CSAD: variants seen among roughly 807,000 people sequenced by gnomAD.
The protein encoded by CSAD is P-selectin cytoplasmic tail-associated protein.
CSAD carries 47 observed loss-of-function variants against 61.5 expected under a neutral mutation model. That is an observed-to-expected ratio of 0.76 (90% CI 0.60 to 0.97). The LOEUF (loss-of-function observed/expected upper bound fraction) is 0.97, where lower values mean the gene tolerates loss of function less well. Ranked by LOEUF, CSAD falls within the 50% of genes least tolerant of loss-of-function variation. The pLI, the probability that CSAD is intolerant of heterozygous loss-of-function variation, is 0.00. For missense variants in CSAD, 611 were observed against 643.6 expected, an observed-to-expected ratio of 0.95 and a Z score of 0.55; for synonymous variants, 245 against 252.7, an observed-to-expected ratio of 0.97 and a Z score of 0.29.
rs1405183996 is a variant in CSAD, at chr12:53,171,359, T to C, written c.534A>G (p.Thr178=). 1 of 1,613,860 alleles carries C rather than the reference T, an allele frequency of 6.2e-7. No homozygotes were observed. Among genetic ancestry groups the C allele is most frequent in the Non-Finnish European group, 8.5e-7 (1 of 1,179,958 alleles). Residue 178 remains threonine, a synonymous_variant, in exon 8 of 17, where the codon ACA becomes ACG. Transcript: ENST00000444623. ...ATGTGAATAGGGCCAGGGGCGGCAG[T>C]GTGCGGAGGCCCCTCTGCTTGCAAT... The part of the protein sequence containing the change: ...YPDCKQRGLR[T]LPPLALFTSK...
chr12:53,172,683 A>C, intron 4 of CSAD, 35 bp from the exon 5 acceptor site: 1 of 1,587,320 alleles, frequency 6.3e-7, no homozygotes. Context: ...GGGGCCTGGG[A>C]TGCCTGTGGA....
chr12:53,173,253 AAG>A lies in CSAD; in HGVS notation c.126+90_126+91del, dbSNP rs1491458827. ...AAAAGGAAGGAAGAAAGAAGGAAGG[AAG>A]GGGGGGGGAGAAAGAAAAGAAAGGA... On this transcript the variant is annotated intron_variant, in intron 4 of 16. Coordinates refer to ENST00000444623, the MANE Select transcript of CSAD (RefSeq NM_001244705.2). 238 of 1,123,896 alleles carry A rather than the reference AAG, an allele frequency of 2.1e-4. No individual in the cohort carries two copies. In the African/African-American group the frequency reaches 3.7e-3, roughly 17 times the overall value. The allele number at this position is 1,123,896 out of a possible 1,614,324, so 69.6% of individuals were successfully genotyped here.
intron 8 of CSAD, 81 bp from the exon 9 acceptor site, chr12:53,170,583 C>G: frequency 9.6e-7 from 1 of 1,038,846 alleles, no homozygotes; most frequent in South Asian, 1.3e-5. Flanking sequence ...TGAGCTCCAA[C>G]AAATGGGATC....
At position 53,180,819 on chromosome 12, in the gene CSAD, G is replaced by T. The variant is rs1026547068; in HGVS notation, c.-178C>A. On this transcript the variant is annotated 5_prime_UTR_variant, in exon 1 of 17. Transcript: ENST00000444623. ...GGCGCCGCGCGGCCAGGGAGCCAGCGGGAGGCCGCGCCTGGCAGGTAGGAG... is the reference window on the plus strand; with the variant it reads ...GGCGCCGCGCGGCCAGGGAGCCAGCTGGAGGCCGCGCCTGGCAGGTAGGAG... 2 of 1,271,960 alleles carry T rather than the reference G, an allele frequency of 1.6e-6. No homozygotes were observed. The highest frequency in any genetic ancestry group is 2.4e-5 in the Admixed American group (1 of 42,140). 78.8% of individuals were successfully genotyped at this position (1,271,960 alleles called of 1,614,324 possible).
chr12:53,168,650 G>A (rs1462461220), intron 10 of CSAD, among the ~76,000 whole-genome samples: 3 of 152,064 alleles, frequency 2.0e-5, no homozygotes, highest in Non-Finnish European at 4.4e-5. Context: ...TGGCTACCCA[G>A]TACTCTAATA....
chr12:53,173,637 A>G, intron 3 of CSAD, 91 bp downstream of exon 3: 2 of 1,455,378 alleles, frequency 1.4e-6, no homozygotes, highest in Non-Finnish European at 1.9e-6. Flanking sequence ...CAGGGAGAAA[A>G]CCAGTGGGAA....
chr12:53,162,058 A>G lies in CSAD; in HGVS notation c.703-669T>C, dbSNP rs574988317. On this transcript the variant is annotated intron_variant, in intron 10 of 16. Coordinates refer to ENST00000444623, the MANE Select transcript of CSAD (RefSeq NM_001244705.2). ...GTGGATCACTTGAGGCCAGGAGTTC[A>G]AGACCAGCCTGGCCAACATGGCAAA... 2.6e-5 allele frequency among the ~76,000 whole-genome samples: 4 copies of G among 152,022 alleles called. No homozygotes were observed. In the East Asian group the frequency reaches 7.8e-4, roughly 29 times the overall value.
chr12:53,177,084 G>C (rs952509411), intron 2 of CSAD, among the ~76,000 whole-genome samples: 1 of 152,034 alleles, frequency 6.6e-6, no homozygotes, highest in African/African-American at 2.4e-5. Context: ...GTATTTTAGT[G>C]TTGGTTATAT....
rs771256267 is a variant in CSAD at position 53,171,386 on chromosome 12, C to T, written c.507G>A (p.Pro169=). 23 of 1,613,856 alleles carry T rather than the reference C, an allele frequency of 1.4e-5. No individual in the cohort carries two copies. The highest frequency in any genetic ancestry group is 3.3e-5 in the Admixed American group (2 of 59,996). The part of the protein sequence containing the change: ...AVNLARYQRY[P]DCKQRGLRTL... Reference sequence around the variant, plus strand: ...TGCGGAGGCCCCTCTGCTTGCAATCCGGGTAGCGCTGATAGCGGGCCAGAT... The same window carrying T: ...TGCGGAGGCCCCTCTGCTTGCAATCTGGGTAGCGCTGATAGCGGGCCAGAT... The change falls in exon 8 of 17, where the codon CCG becomes CCA. Residue 169 remains proline, a synonymous_variant. Transcript: ENST00000444623.
chr12:53,167,463 C>A (rs980065829), intron 10 of CSAD, among the ~76,000 whole-genome samples: 2 of 152,194 alleles, frequency 1.3e-5, no homozygotes, highest in Non-Finnish European at 2.9e-5. Flanking sequence ...TCAAAGAGCA[C>A]AATGTACCTC....
intron 1 of CSAD, chr12:53,180,516 G>A (rs1941503221): frequency 1.6e-6 from 2 of 1,269,300 alleles, no homozygotes; most frequent in African/African-American, 1.6e-5. Flanking sequence ...GCACGCGCCG[G>A]CCTCAGCGCT....
intron 8 of CSAD, 133 bp from the exon 9 acceptor site, chr12:53,170,635 C>T (rs977111220): frequency 1.8e-5 from 13 of 702,990 alleles, no homozygotes; most frequent in Non-Finnish European, 3.1e-5. Flanking sequence ...GCATACGAAT[C>T]GCCTGGGTGT....
chr12:53,181,037 C>T (rs1381488729), upstream of CSAD: 2 of 884,196 alleles, frequency 2.3e-6, no homozygotes, highest in Non-Finnish European at 2.8e-6. Flanking sequence ...CGCCGCGTCC[C>T]CGGCCCGGGA....
rs761708990 is a variant in CSAD, at chr12:53,158,609, C to G, written c.1384G>C (p.Gly462Arg). 1.2e-6 allele frequency: 2 copies of G among 1,614,148 alleles called. No individual in the cohort carries two copies. Among genetic ancestry groups the G allele is most frequent in the African/African-American group, 1.3e-5 (1 of 75,054 alleles). Residue 462 changes from glycine (G) to arginine (R), a missense_variant, in exon 17 of 17, where the codon GGC becomes CGC. Coordinates refer to ENST00000444623, the MANE Select transcript of CSAD (RefSeq NM_001244705.2). ...GCCACAACCACACGGAAGAAGTTGCCCCGGGTCCCGTGGGGCTGGTAGCCA... is the reference window on the plus strand; with the variant it reads ...GCCACAACCACACGGAAGAAGTTGCGCCGGGTCCCGTGGGGCTGGTAGCCA... ...MIGYQPHGTR[G>R]NFFRVVVANS...
chr12:53,162,898 C>T (rs1419042429), intron 10 of CSAD, among the ~76,000 whole-genome samples: 1 of 151,664 alleles, frequency 6.6e-6, no homozygotes, highest in Admixed American at 6.6e-5. Flanking sequence ...CCTGTCTCTA[C>T]TAAAAATACA....
chr12:53,172,601 C>T lies in CSAD; in HGVS notation c.174G>A (p.Leu58=). 1 of 1,611,454 alleles carries T rather than the reference C, an allele frequency of 6.2e-7. No individual in the cohort carries two copies. The highest frequency in any genetic ancestry group is 8.5e-7 in the Non-Finnish European group (1 of 1,179,156). Residue 58 remains leucine (L), a synonymous_variant, in exon 5 of 17, where the codon TTG becomes TTA. Coordinates refer to ENST00000444623, the MANE Select transcript of CSAD (RefSeq NM_001244705.2). ...GTGACTCGCCCTGGCTCCGCAGCTCCAAATCCAGCAGCTGCTTCAGCTCCT... is the reference window on the plus strand; with the variant it reads ...GTGACTCGCCCTGGCTCCGCAGCTCTAAATCCAGCAGCTGCTTCAGCTCCT... ...EPEELKQLLD[L]ELRSQGESQK...
In CSAD at chr12:53,180,734, C is replaced by A; in HGVS notation, c.-93G>T. On this transcript the variant is annotated splice_region_variant and 5_prime_UTR_variant, in exon 1 of 17. Coordinates refer to ENST00000444623, the MANE Select transcript of CSAD (RefSeq NM_001244705.2). ...GGGGTTGGTGTTTGTAAACTTGCCT[C>A]GGTCCCGGTGGGGGCAGCCGCGGCG... 7.9e-7 allele frequency: 1 copy of A among 1,263,860 alleles called. No homozygotes were observed. Among genetic ancestry groups the A allele is most frequent in the Non-Finnish European group, 1.0e-6 (1 of 976,122 alleles). 78.3% of individuals were successfully genotyped at this position (1,263,860 alleles called of 1,614,324 possible). A position where few individuals can be genotyped will look rare whatever the true frequency, so the allele number is the denominator to read the frequency against.
chr12:53,164,382 C>G (rs1939647193), intron 10 of CSAD: 1 of 242,516 alleles, frequency 4.1e-6, no homozygotes, highest in South Asian at 4.1e-5. Flanking sequence ...ATATACAAAC[C>G]ATGAAGTATT....
At chr12:53,171,006 T>A (rs751665776) in intron 8 of CSAD, 73 of 495,760 alleles carry the variant, frequency 1.5e-4, no homozygotes, top group Admixed American at 2.7e-4. Context: ...CAGGCGTGAG[T>A]CACCGTGCCC....
Sources: allele counts gnomAD v4.1 joint callset (sites outside exome capture counted in the v4.1 genomes callset), GRCh38; gene constraint gnomAD v4.1.1; transcripts MANE v1.5; gene names NCBI Gene and HGNC (gene_info 2026-07-23, HGNC 2026-07-21).